PRELID2: variants seen among roughly 807,000 people sequenced by gnomAD.
PRELID2 encodes PRELI domain containing 2, also known as PRELI domain-containing protein 2.
Under a neutral mutation model 28.4 loss-of-function variants are expected in PRELID2, and 25 were observed. That is an observed-to-expected ratio of 0.88 (90% CI 0.64 to 1.23). The LOEUF (loss-of-function observed/expected upper bound fraction) is 1.23. Ranked by LOEUF, PRELID2 falls within the 50% of genes most tolerant of loss-of-function variation. PRELID2 has a pLI of 0.00. For missense variants in PRELID2, 201 were observed against 214.4 expected (o/e 0.94, Z 0.39); for synonymous variants, 76 against 71.6 (o/e 1.06, Z -0.31).
chr5:145,499,923 C>T (rs1214022483), intron 1 of PRELID2, among the ~76,000 whole-genome samples: 1 of 152,218 alleles, frequency 6.6e-6, no homozygotes, highest in Admixed American at 6.5e-5. Context: ...GCTTTGCGCA[C>T]ACCTACCTGT....
At chr5:145,368,053 C>T in the PRELID2 span, among the ~76,000 whole-genome samples, 10 of 151,974 alleles carry the variant, frequency 6.6e-5, no homozygotes, top group East Asian at 1.9e-4. Context: ...TTCTGTCATT[C>T]GGGGTTGTCG....
At chr5:145,709,336 G>A (rs1270274579) in intron 1 of PRELID2, among the ~76,000 whole-genome samples, 1 of 152,130 alleles carries the variant, frequency 6.6e-6, no homozygotes. Context: ...ATCTCCCCCA[G>A]GTGATTACAC....
chr5:145,550,308 G>A (rs1173785763), intron 1 of PRELID2, among the ~76,000 whole-genome samples: 1 of 152,170 alleles, frequency 6.6e-6, no homozygotes, highest in African/African-American at 2.4e-5. Flanking sequence ...AATGAGCAAG[G>A]CGGAGAGTAG....
chr5:145,229,377 A>C, the PRELID2 span: 1 of 742,880 alleles, frequency 1.3e-6, no homozygotes. Flanking sequence ...AACCTCATGC[A>C]CATCAGCTAC....
the PRELID2 span, among the ~76,000 whole-genome samples, chr5:145,247,963 A>G: frequency 1.3e-5 from 2 of 152,156 alleles, no homozygotes; most frequent in Non-Finnish European, 1.5e-5. Context: ...ACACTTCAAT[A>G]TGAAGTCAGG....
chr5:145,801,638 A>G (rs1323865314), intron 4 of PRELID2, among the ~76,000 whole-genome samples: 1 of 152,228 alleles, frequency 6.6e-6, no homozygotes, highest in African/African-American at 2.4e-5. Context: ...AGAAGAAACT[A>G]TGGCAAAGAG....
At chr5:145,400,684 G>A in the PRELID2 span, among the ~76,000 whole-genome samples, 1 of 152,068 alleles carries the variant, frequency 6.6e-6, no homozygotes, top group Non-Finnish European at 1.5e-5. Flanking sequence ...CCAGTCTGTG[G>A]GAAGGAGGGT....
intron 1 of PRELID2, among the ~76,000 whole-genome samples, chr5:145,829,468 C>G (rs970232880): frequency 6.6e-6 from 1 of 152,162 alleles, no homozygotes; most frequent in Non-Finnish European, 1.5e-5. Context: ...TTAAAGGAGC[C>G]TGCTGTGTGC....
chr5:145,731,062 G>T (rs1756331409), intron 1 of PRELID2, among the ~76,000 whole-genome samples: 1 of 152,178 alleles, frequency 6.6e-6, no homozygotes, highest in African/African-American at 2.4e-5. Context: ...GTGTCTCTCA[G>T]GTTTTAACTA....
chr5:145,446,109 A>C, the PRELID2 span, among the ~76,000 whole-genome samples: 2 of 152,048 alleles, frequency 1.3e-5, no homozygotes, highest in African/African-American at 4.8e-5. Context: ...ATAGAGTTTC[A>C]AATAGCTAAA....
At chr5:145,625,773 G>A (rs1157854720) in intron 1 of PRELID2, among the ~76,000 whole-genome samples, 3 of 152,070 alleles carry the variant, frequency 2.0e-5, no homozygotes, top group Non-Finnish European at 4.4e-5. Flanking sequence ...TTTAAATAGA[G>A]TGACCACTAA....
intron 1 of PRELID2, among the ~76,000 whole-genome samples, chr5:145,687,935 G>A (rs1755067924): frequency 6.6e-6 from 1 of 152,214 alleles, no homozygotes; most frequent in East Asian, 1.9e-4. Flanking sequence ...GCAAAGCCAA[G>A]ATTTAAATCA....
intron 1 of PRELID2, among the ~76,000 whole-genome samples, chr5:145,619,392 C>A (rs932512514): frequency 1.3e-5 from 2 of 152,190 alleles, no homozygotes; most frequent in Non-Finnish European, 2.9e-5. Flanking sequence ...CTTCCTCTAC[C>A]CCTGTATTTC....
chr5:145,361,158 G>A, the PRELID2 span, among the ~76,000 whole-genome samples: 1 of 152,092 alleles, frequency 6.6e-6, no homozygotes, highest in Admixed American at 6.6e-5. Flanking sequence ...CATAGTATTT[G>A]ATACTGCCAT....
intron 1 of PRELID2, among the ~76,000 whole-genome samples, chr5:145,738,687 G>C (rs973519638): frequency 6.6e-6 from 1 of 152,134 alleles, no homozygotes; most frequent in African/African-American, 2.4e-5. Context: ...TTCAAGATAT[G>C]TGGGACTAAA....
the PRELID2 span, among the ~76,000 whole-genome samples, chr5:145,412,187 C>T: frequency 2.0e-5 from 3 of 152,116 alleles, no homozygotes; most frequent in South Asian, 2.1e-4. Flanking sequence ...TTTCTGCAGC[C>T]GTCTTGAATT....
intron 1 of PRELID2, among the ~76,000 whole-genome samples, chr5:145,733,480 C>CT (rs1756406412): frequency 6.6e-6 from 1 of 152,164 alleles, no homozygotes; most frequent in Admixed American, 6.5e-5. Context: ...AAAAACAGCA[C>CT]TCATATTACT....
intron 1 of PRELID2, among the ~76,000 whole-genome samples, chr5:145,571,918 C>G (rs541453100): frequency 1.3e-5 from 2 of 151,022 alleles, no homozygotes; most frequent in South Asian, 4.2e-4. Context: ...GGAGGCGGAG[C>G]TTGCTGTGAG....
chr5:145,464,093 T>C, the PRELID2 span, among the ~76,000 whole-genome samples: 1 of 152,130 alleles, frequency 6.6e-6, no homozygotes, highest in East Asian at 1.9e-4. Flanking sequence ...ATTAAAGATA[T>C]TAAATCCACA....
Sources: allele counts gnomAD v4.1 joint callset (sites outside exome capture counted in the v4.1 genomes callset), GRCh38; gene constraint gnomAD v4.1.1; transcripts MANE v1.5; gene names NCBI Gene and HGNC (gene_info 2026-07-23, HGNC 2026-07-21).